Variants in VIPR2 observed in about 807,000 individuals in gnomAD.
The protein encoded by VIPR2 is vasoactive intestinal polypeptide receptor 2.
VIPR2 carries 48 observed loss-of-function variants against 58.0 expected under a neutral mutation model. That is an observed-to-expected ratio of 0.83 (90% CI 0.66 to 1.05). VIPR2 has a LOEUF of 1.05. Ranked by LOEUF, VIPR2 falls within the 50% of genes least tolerant of loss-of-function variation. VIPR2 has a pLI of 0.00. For missense variants in VIPR2, 534 were observed against 558.0 expected (o/e 0.96, Z 0.43); for synonymous variants, 243 against 235.2 (o/e 1.03, Z -0.30).
intron 2 of VIPR2, among the ~76,000 whole-genome samples, chr7:159,125,415 G>A (rs1384055712): frequency 6.6e-6 from 1 of 152,160 alleles, no homozygotes; most frequent in Non-Finnish European, 1.5e-5. Context: ...AGGAACTGTG[G>A]TTCCTTCCTC....
intron 8 of VIPR2, 32 bp downstream of exon 8, chr7:159,035,919 GT>G: frequency 6.2e-7 from 1 of 1,603,888 alleles, no homozygotes; most frequent in Non-Finnish European, 8.5e-7. Context: ...TGCCGGGCCC[GT>G]TTTCGAGGTT....
intron 12 of VIPR2, 48 bp from the exon 13 acceptor site, chr7:159,030,837 GGCGGCTGCTATGGGAAGC>G: frequency 6.8e-7 from 1 of 1,465,372 alleles, no homozygotes; most frequent in Non-Finnish European, 9.0e-7. Flanking sequence ...GGCAGGTGCG[GGCGGCTGCTATGGGAAGC>G]GCGGCCCGCG....
intron 2 of VIPR2, 141 bp from the exon 3 acceptor site, chr7:159,110,060 T>G: frequency 4.1e-6 from 3 of 732,826 alleles, no homozygotes; most frequent in Non-Finnish European, 6.8e-6. Flanking sequence ...AGACTATAGT[T>G]AGCTTGTGGG....
rs1853361223 is a variant in VIPR2, at chr7:159,028,551, G to A, written c.*2065C>T. The A allele has an allele frequency of 6.6e-6, 1 of 152,374 alleles. No individual in the cohort carries two copies. The highest frequency in any genetic ancestry group is 1.5e-5 in the Non-Finnish European group (1 of 68,122). The allele number at this position is 152,374 out of a possible 1,614,324, so 9.4% of individuals were successfully genotyped here. A position where few individuals can be genotyped will look rare whatever the true frequency, so the allele number is the denominator to read the frequency against. ...AGCTCAGTGTCGGCACCTGGCCACT[G>A]ACCCAACACCTTCAGTTACCACAAA... On this transcript the variant is annotated 3_prime_UTR_variant, in exon 13 of 13. Transcript: ENST00000262178.
At chr7:159,046,436 A>G (rs1317958933) in intron 5 of VIPR2, among the ~76,000 whole-genome samples, 1 of 152,248 alleles carries the variant, frequency 6.6e-6, no homozygotes, top group East Asian at 1.9e-4. Flanking sequence ...TATGCTAAGT[A>G]AAGACACCAG....
Position 159,034,377 on chromosome 7 carries a change from G to A in VIPR2, c.880-73C>T, listed in dbSNP as rs376285328. On this transcript the variant is annotated intron_variant, in intron 9 of 12. Coordinates refer to ENST00000262178, the MANE Select transcript of VIPR2 (RefSeq NM_003382.5). The stretch of plus-strand genomic sequence containing the variant: ...TTTGCCCTGAAGTCCACCTGATTTC[G>A]ACCCTCCCCTCCGCTCCCTCAGTCC... 145 of 1,488,078 alleles carry A rather than the reference G, an allele frequency of 9.7e-5. No individual in the cohort carries two copies. The East Asian group carries it at 1.4e-3, about 14-fold the overall frequency. 92.2% of individuals were successfully genotyped at this position (1,488,078 alleles called of 1,614,324 possible).
intron 4 of VIPR2, among the ~76,000 whole-genome samples, chr7:159,081,800 C>T (rs1463713216): frequency 4.6e-5 from 7 of 152,060 alleles, no homozygotes; most frequent in East Asian, 1.9e-4. Context: ...AAAAAGTGAG[C>T]GAAGGATATG....
chr7:159,079,635 A>G (rs556522953), intron 4 of VIPR2, among the ~76,000 whole-genome samples: 5 of 152,208 alleles, frequency 3.3e-5, no homozygotes, highest in African/African-American at 1.2e-4. Context: ...ACTGAAGGAA[A>G]TAGAGACACA....
In VIPR2 at chr7:159,032,605, G is replaced by A. The variant is rs550414181; in HGVS notation, c.972-538C>T. On this transcript the variant is annotated intron_variant, in intron 10 of 12. Transcript: ENST00000262178. ...CTATTAACGCATCTGAAGTTTGCTG[G>A]AAAAGAGGCCTATCTGCGGCTGAGC... 2.6e-5 allele frequency among the ~76,000 whole-genome samples: 4 copies of A among 152,328 alleles called. No homozygotes were observed. In the East Asian group the frequency reaches 5.8e-4, roughly 22 times the overall value.
chr7:159,085,374 C>A (rs768240474), intron 4 of VIPR2, among the ~76,000 whole-genome samples: 1 of 152,210 alleles, frequency 6.6e-6, no homozygotes, highest in Non-Finnish European at 1.5e-5. Flanking sequence ...CAGTTTACTG[C>A]AACCTCTGCC....
intron 2 of VIPR2, among the ~76,000 whole-genome samples, chr7:159,125,213 T>A (rs1796609780): frequency 1.3e-5 from 2 of 152,192 alleles, no homozygotes; most frequent in African/African-American, 2.4e-5. Context: ...AATCATTTTT[T>A]AAAACTGCTT....
chr7:159,062,728 A>G (rs1011390777), intron 4 of VIPR2, among the ~76,000 whole-genome samples: 1 of 152,178 alleles, frequency 6.6e-6, no homozygotes, highest in Admixed American at 6.5e-5. Context: ...CTGCCACAGC[A>G]CATAAGGAGA....
intron 6 of VIPR2, among the ~76,000 whole-genome samples, chr7:159,037,355 T>TGGCAGGGGCCC (rs1854041510): frequency 6.6e-6 from 1 of 151,728 alleles, no homozygotes. Context: ...GAGGTATGGG[T>TGGCAGGGGCCC]GGCAGGGGCC....
In VIPR2 at chr7:159,099,978, A is replaced by C. The variant is rs1480506950; in HGVS notation, c.357+3779T>G. Reference sequence around the variant, plus strand: ...AGGATCCTCCCTGAGGACCTTCCTCAAGGGCTCACAGCCATGCGTGCTGGA... The same window carrying C: ...AGGATCCTCCCTGAGGACCTTCCTCCAGGGCTCACAGCCATGCGTGCTGGA... On this transcript the variant is annotated intron_variant, in intron 4 of 12. Transcript: ENST00000262178. The surrounding 1 kb of genome is among the most constrained non-coding windows in gnomAD (Gnocchi z 4.2). Among the ~76,000 whole-genome samples, 2 of 152,092 alleles carry C rather than the reference A, an allele frequency of 1.3e-5. No individual in the cohort carries two copies. Among genetic ancestry groups the C allele is most frequent in the African/African-American group, 4.8e-5 (2 of 41,412 alleles).
chr7:159,088,703 G>A (rs1857318595), intron 4 of VIPR2, among the ~76,000 whole-genome samples: 1 of 152,252 alleles, frequency 6.6e-6, no homozygotes, highest in Non-Finnish European at 1.5e-5. Context: ...TCACACAGCG[G>A]TGGCAGCACG....
chr7:159,063,122 C>T (rs1228823780), intron 4 of VIPR2, among the ~76,000 whole-genome samples: 2 of 152,244 alleles, frequency 1.3e-5, no homozygotes, highest in East Asian at 3.9e-4. Context: ...GGAGCTGCCC[C>T]CAGTTTTGCG....
At chr7:159,113,660 G>C (rs7795657) in intron 2 of VIPR2, among the ~76,000 whole-genome samples, 2,038 of 152,220 alleles carry the variant, frequency 0.013, 40 homozygotes, top group African/African-American at 0.046. Flanking sequence ...ACGAGGAAAA[G>C]CATAAAGTTA....
At chr7:159,075,775 ACGGACCCGC>A (rs1856608254) in intron 4 of VIPR2, among the ~76,000 whole-genome samples, 1 of 147,626 alleles carries the variant, frequency 6.8e-6, no homozygotes, top group African/African-American at 2.6e-5. Context: ...GCCGGCACCC[ACGGACCCGC>A]TGCATCAGTG....
chr7:159,072,363 CA>C (rs1276586051), intron 4 of VIPR2, among the ~76,000 whole-genome samples: 1 of 151,986 alleles, frequency 6.6e-6, no homozygotes, highest in Non-Finnish European at 1.5e-5. Flanking sequence ...CAAATAAACT[CA>C]AAAAATAAAA....
Sources: allele counts gnomAD v4.1 joint callset (sites outside exome capture counted in the v4.1 genomes callset), GRCh38; gene constraint gnomAD v4.1.1; non-coding constraint Gnocchi (gnomAD v3.1); transcripts MANE v1.5; gene names NCBI Gene and HGNC (gene_info 2026-07-23, HGNC 2026-07-21).